Variants in FAT2 observed in about 807,000 individuals in gnomAD.
The protein encoded by FAT2 is protocadherin Fat 2.
FAT2 carries 150 observed loss-of-function variants against 295.3 expected under a neutral mutation model. The ratio of observed to expected loss-of-function variants is 0.51; its 90% CI spans 0.44 to 0.58. The LOEUF is 0.58. Ranked by LOEUF, FAT2 falls within the 20% of genes least tolerant of loss-of-function variation. The pLI is 0.00. For missense variants in FAT2, 4,868 were observed against 5,442.7 expected (o/e 0.89, Z 3.32); for synonymous variants, 2,026 against 2,150.3 (o/e 0.94, Z 1.60).
chr5:151,529,154 A>G (rs112295106), intron 15 of FAT2, 24 bp downstream of exon 15: 2 of 1,609,188 alleles, frequency 1.2e-6, no homozygotes, highest in Non-Finnish European at 1.7e-6. Context: ...TTGTCCCACA[A>G]AGAGCAAGGT....
chr5:151,577,584 T>G, intron 1 of FAT2, among the ~76,000 whole-genome samples: 1 of 151,104 alleles, frequency 6.6e-6, no homozygotes, highest in East Asian at 1.9e-4. Context: ...TAAAGGGGAG[T>G]CAGGGAAGTC....
At chr5:151,511,393 A>C (rs995081163) in intron 21 of FAT2, 5 of 152,248 alleles carry the variant, frequency 3.3e-5, no homozygotes, top group Non-Finnish European at 7.3e-5. Context: ...TGTATAGAAT[A>C]GCCATGCTGA....
rs165344 is a variant in FAT2, at chr5:151,504,528, A to G, written c.*1037T>C. The G allele has an allele frequency of 0.15, 22,571 of 152,738 alleles. 2,031 individuals are homozygous for G. Among genetic ancestry groups the G allele is most frequent in the Non-Finnish European group, 0.21 (14,198 of 68,062 alleles). The allele number at this position is 152,738 out of a possible 1,614,324, so 9.5% of individuals were successfully genotyped here. ...AATACTTGATGGGCAGGCGTCTGCA[A>G]TGGAGAGGAGGCAATGGCAGGTGTC... On this transcript the variant is annotated 3_prime_UTR_variant, in exon 24 of 24. Transcript: ENST00000261800.
intron 7 of FAT2, among the ~76,000 whole-genome samples, chr5:151,551,233 CTTT>C (rs1167728918): frequency 6.6e-6 from 1 of 152,202 alleles, no homozygotes; most frequent in Non-Finnish European, 1.5e-5. Context: ...TGTACTCTAT[CTTT>C]AATTAAAACT....
chr5:151,550,899 C>T (rs1233367168), intron 7 of FAT2, 28 bp from the exon 8 acceptor site: 2 of 1,604,146 alleles, frequency 1.2e-6, no homozygotes, highest in Non-Finnish European at 8.5e-7. Flanking sequence ...GGAGAAGGTG[C>T]ACTGCAAGCC....
chr5:151,541,290 G>T (rs181555923), intron 10 of FAT2, among the ~76,000 whole-genome samples: 1 of 152,324 alleles, frequency 6.6e-6, no homozygotes, highest in Non-Finnish European at 1.5e-5. Flanking sequence ...CTCACTCTGA[G>T]ATCCTAAGAT....
In FAT2 at chr5:151,521,848, G is replaced by A. The variant is rs771778319; in HGVS notation, c.10745C>T (p.Ala3582Val). 2.2e-5 allele frequency: 35 copies of A among 1,614,062 alleles called. No homozygotes were observed. The highest frequency in any genetic ancestry group is 6.6e-5 in the South Asian group (6 of 91,080). ...ETLGRHFSVG[A>V]PDGKIIAAQG... ...GGCGGCGATAATCTTGCCATCAGGC[G>A]CACCCACTGAGAAGTGCCTGCCCAG... Residue 3582 changes from alanine (A) to valine (V), a missense_variant, in exon 19 of 24, where the codon GCG (alanine) becomes GTG (valine). Coordinates refer to ENST00000261800, the MANE Select transcript of FAT2 (RefSeq NM_001447.3).
chr5:151,537,520 A>G (rs1466545364), intron 12 of FAT2, among the ~76,000 whole-genome samples: 2 of 151,518 alleles, frequency 1.3e-5, no homozygotes, highest in African/African-American at 4.8e-5. Flanking sequence ...AATAAAATAA[A>G]TCCCCTTAGC....
At chr5:151,550,963 G>GCA in intron 7 of FAT2, 92 bp from the exon 8 acceptor site, 1 of 1,145,146 alleles carries the variant, frequency 8.7e-7, no homozygotes, top group Non-Finnish European at 1.3e-6. Flanking sequence ...CCCAGGCCTA[G>GCA]CACAGTGCCT....
At chr5:151,514,755 C>T (rs1179198823) in intron 20 of FAT2, among the ~76,000 whole-genome samples, 3 of 152,156 alleles carry the variant, frequency 2.0e-5, no homozygotes, top group African/African-American at 7.2e-5. Flanking sequence ...ATGGGGGAAC[C>T]TGCAGGCACT....
rs1758304046 is a variant in FAT2 at position 151,567,008 on chromosome 5, C to T, written c.1924G>A (p.Ala642Thr). 1 of 1,614,066 alleles carries T rather than the reference C, an allele frequency of 6.2e-7. No homozygotes were observed. Among genetic ancestry groups the T allele is most frequent in the African/African-American group, 1.3e-5 (1 of 75,024 alleles). The change falls in exon 2 of 24, where the codon GCC (alanine) becomes ACC (threonine). Residue 642 changes from alanine to threonine, a missense_variant. Around this residue, in one of 5 missense-constraint regions of FAT2, gnomAD observed 3,297 missense variants for 3,669.4 expected, o/e 0.90. Transcript: ENST00000261800. ...QPTSYSLKITASDGKNYASPT... is the reference protein window; with the variant it reads ...QPTSYSLKITTSDGKNYASPT... ...GAGGCATAGTTTTTGCCATCTGAGG[C>T]TGTAATCTTCAGGGAATAACTGGTG... is the stretch of plus-strand genomic sequence containing the variant.
rs2127630577 is a variant in FAT2, at chr5:151,554,453, T to C, written c.3854A>G (p.Asp1285Gly). Reference sequence around the variant, plus strand: ...GATACTGAAGGCCTCCTCATCGCTGTCCTCGATACTGTAGGTGACTCTGCC... The same window carrying C: ...GATACTGAAGGCCTCCTCATCGCTGCCCTCGATACTGTAGGTGACTCTGCC... Reference protein sequence around the residue: ...LNGRVTYSIEDSDEEAFSIDL... With the variant: ...LNGRVTYSIEGSDEEAFSIDL... Residue 1285 changes from aspartate (D) to glycine (G), a missense_variant, in exon 5 of 24, where the codon GAC becomes GGC. Physicochemically the swap from Asp to Gly is moderately conservative, Grantham distance 94. Around this residue, in one of 5 missense-constraint regions of FAT2, gnomAD observed 3,297 missense variants for 3,669.4 expected, o/e 0.90. Transcript: ENST00000261800. The C allele has an allele frequency of 6.2e-7, 1 of 1,614,168 alleles. No homozygotes were observed. The highest frequency in any genetic ancestry group is 1.3e-5 in the African/African-American group (1 of 75,042).
chr5:151,508,480 C>G (rs916955750), intron 22 of FAT2, among the ~76,000 whole-genome samples: 2 of 152,140 alleles, frequency 1.3e-5, no homozygotes, highest in African/African-American at 2.4e-5. Context: ...GCAGCCGAGT[C>G]AGCGGGATCA....
At chr5:151,580,568 T>C (rs991714177) in intron 1 of FAT2, among the ~76,000 whole-genome samples, 2 of 152,228 alleles carry the variant, frequency 1.3e-5, no homozygotes, top group South Asian at 2.1e-4. Flanking sequence ...GAGCCCCTTG[T>C]GGGAGGGTCC....
At position 151,556,411 on chromosome 5, in the gene FAT2, G is replaced by A. The variant is rs762968998; in HGVS notation, c.3575-9C>T. The A allele has an allele frequency of 1.2e-6, 2 of 1,611,018 alleles. No homozygotes were observed. Among genetic ancestry groups the A allele is most frequent in the Admixed American group, 1.7e-5 (1 of 59,928 alleles). ...GGCTGTAGATAGGAGACCTGAGAGAGAGATGATAAGGGAGAGACATGAGCA... is the reference window on the plus strand; with the variant it reads ...GGCTGTAGATAGGAGACCTGAGAGAAAGATGATAAGGGAGAGACATGAGCA... On this transcript the variant is annotated splice_polypyrimidine_tract_variant and intron_variant, in intron 3 of 23. Coordinates refer to ENST00000261800, the MANE Select transcript of FAT2 (RefSeq NM_001447.3).
intron 1 of FAT2, among the ~76,000 whole-genome samples, chr5:151,590,133 G>A (rs1394653468): frequency 1.3e-5 from 2 of 152,208 alleles, no homozygotes; most frequent in African/African-American, 4.8e-5. Flanking sequence ...GGCACAGGAA[G>A]CATTCAACGA....
Position 151,534,559 on chromosome 5 carries a change from G to C in FAT2, c.9277C>G (p.Arg3093Gly). ...AGGGTGATGTCTGCCTGGCACGATC[G>C]GCCACCTCCATCCGTCGCCTTGGCA... ...LVAKATDGGG[R>G]SCQADITLHV... is the part of the protein sequence containing the mutation. Residue 3093 changes from arginine (R) to glycine (G), a missense_variant, in exon 13 of 24, where the codon CGA (arginine) becomes GGA (glycine). Arg to Gly is a moderately radical substitution (Grantham distance 125). Coordinates refer to ENST00000261800, the MANE Select transcript of FAT2 (RefSeq NM_001447.3). The C allele has an allele frequency of 6.2e-7, 1 of 1,614,024 alleles. No homozygotes were observed. Among genetic ancestry groups the C allele is most frequent in the South Asian group, 1.1e-5 (1 of 91,050 alleles).
chr5:151,544,808 A>G lies in FAT2; in HGVS notation c.6319T>C (p.Tyr2107His). Residue 2107 changes from tyrosine (Y) to histidine (H), a missense_variant, in exon 10 of 24, where the codon TAT (tyrosine) becomes CAT (histidine). Tyr to His is a moderately conservative substitution (Grantham distance 83). Around this residue, in one of 5 missense-constraint regions of FAT2, gnomAD observed 3,297 missense variants for 3,669.4 expected, o/e 0.90. Coordinates refer to ENST00000261800, the MANE Select transcript of FAT2 (RefSeq NM_001447.3). ...TATGTGTAATCTTCTGCAAATTCATATGTAACAGCCCCATTTGTCCCCAAG... is the reference window on the plus strand; with the variant it reads ...TATGTGTAATCTTCTGCAAATTCATGTGTAACAGCCCCATTTGTCCCCAAG... ...EDLGTNGAVT[Y>H]EFAEDYTYFR... 1 of 1,614,210 alleles carries G rather than the reference A, an allele frequency of 6.2e-7. No individual in the cohort carries two copies. Among genetic ancestry groups the G allele is most frequent in the Non-Finnish European group, 8.5e-7 (1 of 1,180,036 alleles).
Position 151,562,718 on chromosome 5 carries a change from C to T in FAT2, c.3574+607G>A, listed in dbSNP as rs1758070925. On this transcript the variant is annotated intron_variant, in intron 3 of 23. Coordinates refer to ENST00000261800, the MANE Select transcript of FAT2 (RefSeq NM_001447.3). ...CAACTTAAAAAATAATTGTTTAAAG[C>T]TTAAGCAAATCAAACAAAACACCTC... 2.6e-5 allele frequency among the ~76,000 whole-genome samples: 4 copies of T among 152,196 alleles called. No individual in the cohort carries two copies. In the South Asian group the frequency reaches 8.3e-4, roughly 31 times the overall value.
Sources: gnomAD v4.1 joint callset for allele counts (sites outside exome capture counted in the v4.1 genomes callset) on GRCh38, gnomAD v4.1.1 for gene constraint, gnomAD v4.1.1 regional missense constraint, MANE v1.5 for transcripts, NCBI Gene and HGNC (gene_info 2026-07-23, HGNC 2026-07-21) for gene names.